Variants in SPIRE2 observed in about 807,000 individuals in gnomAD.
SPIRE2 encodes spire type actin nucleation factor 2.
SPIRE2 carries 76 observed loss-of-function variants against 80.7 expected under a neutral mutation model. The ratio of observed to expected loss-of-function variants is 0.94; its 90% CI spans 0.78 to 1.14. The LOEUF is 1.14. Among genes scored for constraint, SPIRE2 ranks in the 50% most tolerant of loss-of-function variants. SPIRE2 has a pLI of 0.00. For synonymous variants in SPIRE2, 535 were observed against 432.6 expected, an observed-to-expected ratio of 1.24 and a Z score of -2.94; for missense variants, 1,196 against 1,015.3, an observed-to-expected ratio of 1.18 and a Z score of -2.42.
At chr16:89,835,345 A>C (rs1411315825) in intron 1 of SPIRE2, among the ~76,000 whole-genome samples, 1 of 152,170 alleles carries the variant, frequency 6.6e-6, no homozygotes, top group East Asian at 1.9e-4. Context: ...GCTACTGTTG[A>C]GATTCGGTTA....
Position 89,859,323 on chromosome 16 carries a change from G to A in SPIRE2, c.1431G>A (p.Ala477=), listed in dbSNP as rs774878649. 20 of 1,586,338 alleles carry A rather than the reference G, an allele frequency of 1.3e-5. No individual in the cohort carries two copies. The highest frequency in any genetic ancestry group is 4.6e-5 in the East Asian group (2 of 43,742). ...CACCACGGCCCCGAGCTGGCAGTGCGCATGTGTGGAGGCCCGGCTCCCGAG... is the reference window on the plus strand; with the variant it reads ...CACCACGGCCCCGAGCTGGCAGTGCACATGTGTGGAGGCCCGGCTCCCGAG... ...TEPPRPRAGS[A]HVWRPGSRDQ... Residue 477 remains alanine (A), a synonymous_variant, in exon 9 of 15, where the codon GCG becomes GCA. Coordinates refer to ENST00000378247, the MANE Select transcript of SPIRE2 (RefSeq NM_032451.2).
intron 1 of SPIRE2, among the ~76,000 whole-genome samples, chr16:89,833,493 A>AC (rs1385352729): frequency 1.3e-5 from 2 of 152,228 alleles, no homozygotes; most frequent in Non-Finnish European, 2.9e-5. Flanking sequence ...GAAAGCAGCC[A>AC]CCCAGGTGGT....
Position 89,847,402 on chromosome 16 carries a change from G to A in SPIRE2, c.288+2037G>A, listed in dbSNP as rs3743856. ...CTGAAGTCCAGGACTCCAGGGCTGG[G>A]AGGCCGGCTGGCCCTGCTGTCCCGA... is the stretch of plus-strand genomic sequence containing the variant. On this transcript the variant is annotated intron_variant, in intron 2 of 14. Coordinates refer to ENST00000378247, the MANE Select transcript of SPIRE2 (RefSeq NM_032451.2). 2.0e-5 allele frequency among the ~76,000 whole-genome samples: 3 copies of A among 152,330 alleles called. No individual in the cohort carries two copies. In the East Asian group the frequency reaches 5.8e-4, roughly 29 times the overall value.
chr16:89,856,068 C>A, intron 6 of SPIRE2, 45 bp from the exon 7 acceptor site: 1 of 1,589,724 alleles, frequency 6.3e-7, no homozygotes, highest in South Asian at 1.1e-5. Context: ...GCTTCCCCAC[C>A]GCAGGTCCTG....
intron 1 of SPIRE2, among the ~76,000 whole-genome samples, chr16:89,840,745 C>G (rs1598219796): frequency 1.3e-5 from 2 of 150,588 alleles, no homozygotes; most frequent in East Asian, 4.0e-4. Flanking sequence ...ACGCCATTCT[C>G]CTGCCTCAGC....
intron 3 of SPIRE2, among the ~76,000 whole-genome samples, chr16:89,852,573 C>G (rs1449663759): frequency 3.1e-5 from 1 of 32,524 alleles, no homozygotes; most frequent in East Asian, 9.9e-4. Flanking sequence ...TCCCCACCCC[C>G]TGGATCCCCT....
intron 1 of SPIRE2, among the ~76,000 whole-genome samples, chr16:89,829,623 C>A (rs1196428253): frequency 6.6e-6 from 1 of 152,182 alleles, no homozygotes; most frequent in Non-Finnish European, 1.5e-5. Context: ...CAAGGCCAGA[C>A]AGAAGCAAGC....
intron 12 of SPIRE2, among the ~76,000 whole-genome samples, chr16:89,865,760 A>G (rs1031439098): frequency 2.0e-5 from 3 of 151,598 alleles, no homozygotes; most frequent in Non-Finnish European, 4.4e-5. Flanking sequence ...CGAGGTCGGG[A>G]GATCGAGACC....
Position 89,870,493 on chromosome 16 carries a change from C to A in SPIRE2, c.*221C>A, listed in dbSNP as rs2041830731. 1.6e-5 allele frequency: 8 copies of A among 499,418 alleles called. No homozygotes were observed. Among genetic ancestry groups the A allele is most frequent in the South Asian group, 1.3e-4 (5 of 37,720 alleles). The allele number at this position is 499,418 out of a possible 1,614,324, so 30.9% of individuals were successfully genotyped here. A position where few individuals can be genotyped will look rare whatever the true frequency, so the allele number is the denominator to read the frequency against. On this transcript the variant is annotated 3_prime_UTR_variant, in exon 15 of 15. Coordinates refer to ENST00000378247, the MANE Select transcript of SPIRE2 (RefSeq NM_032451.2). ...GGGAGGCTGTTTCTTCTCAGGATTC[C>A]TTGCCAGGGAGGAAGGGGAGGGAAC...
chr16:89,835,694 G>A (rs899498648), intron 1 of SPIRE2, among the ~76,000 whole-genome samples: 1 of 152,200 alleles, frequency 6.6e-6, no homozygotes. Context: ...CATTTAGGAG[G>A]AAGGCGGGCT....
chr16:89,854,680 C>A (rs1468059127), intron 5 of SPIRE2, 29 bp downstream of exon 5: 1 of 1,600,842 alleles, frequency 6.2e-7, no homozygotes, highest in South Asian at 1.1e-5. Flanking sequence ...GAGGGGCAGC[C>A]TGGATGCAGA....
At chr16:89,857,258 T>G (rs1348390749) in intron 7 of SPIRE2, among the ~76,000 whole-genome samples, 1 of 149,936 alleles carries the variant, frequency 6.7e-6, no homozygotes, top group Non-Finnish European at 1.5e-5. Flanking sequence ...CACCTCAGCC[T>G]CTCGAGTAGT....
intron 13 of SPIRE2, 73 bp from the exon 14 acceptor site, chr16:89,869,493 AG>A: frequency 2.0e-6 from 2 of 991,300 alleles, no homozygotes; most frequent in Non-Finnish European, 3.2e-6. Context: ...CTGGGGAGGG[AG>A]GTCCCCTAGC....
At chr16:89,860,412 C>G (rs1179965669) in intron 9 of SPIRE2, among the ~76,000 whole-genome samples, 1 of 152,134 alleles carries the variant, frequency 6.6e-6, no homozygotes, top group African/African-American at 2.4e-5. Flanking sequence ...ACATGTTTCA[C>G]GATGCCTGCC....
chr16:89,841,435 C>G (rs1474405848), intron 1 of SPIRE2, among the ~76,000 whole-genome samples: 2 of 152,016 alleles, frequency 1.3e-5, no homozygotes, highest in African/African-American at 2.4e-5. Context: ...CCCCATGTGG[C>G]CACGTTGGTG....
intron 2 of SPIRE2, 56 bp from the exon 3 acceptor site, chr16:89,850,248 T>G (rs758354025): frequency 4.0e-6 from 6 of 1,516,378 alleles, no homozygotes; most frequent in Middle Eastern, 1.7e-4. Context: ...CCAGCCGCGT[T>G]CTCCCCGCCC....
chr16:89,828,698 G>C lies in SPIRE2; in HGVS notation c.148G>C (p.Gly50Arg), dbSNP rs781673634. 1 of 1,286,910 alleles carries C rather than the reference G, an allele frequency of 7.8e-7. No individual in the cohort carries two copies. 79.7% of individuals were successfully genotyped at this position (1,286,910 alleles called of 1,614,324 possible). A position where few individuals can be genotyped will look rare whatever the true frequency, so the allele number is the denominator to read the frequency against. The change falls in exon 1 of 15, where the codon GGG becomes CGG. Residue 50 changes from glycine to arginine, a missense_variant. Physicochemically the swap from Gly to Arg is moderately radical, Grantham distance 125 (BLOSUM62 -2). Transcript: ENST00000378247. This position sits in a 1 kb window ranked among gnomAD's most constrained non-coding sequence, Gnocchi z 5.9. ...AWAVCFQGCR[G>R]LRGSPGRRLR... ...GGCCGTGTGCTTCCAGGGCTGCCGC[G>C]GGCTGCGGGGCTCGCCGGGCCGGCG...
In SPIRE2 at chr16:89,832,059, C is replaced by T. The variant is rs9928866; in HGVS notation, c.244+3265C>T. On this transcript the variant is annotated intron_variant, in intron 1 of 14. Transcript: ENST00000378247. Reference sequence around the variant, plus strand: ...TCCCGCGCCGTGCTGATGAGCAGGCCCCAGCTTCTTGCTCCCATTCCTCCT... The same window carrying T: ...TCCCGCGCCGTGCTGATGAGCAGGCTCCAGCTTCTTGCTCCCATTCCTCCT... Among the ~76,000 whole-genome samples, 69 of 152,392 alleles carry T rather than the reference C, an allele frequency of 4.5e-4. 1 individual carries two copies. The highest frequency in any genetic ancestry group is 1.6e-3 in the African/African-American group (66 of 41,604).
chr16:89,841,424 A>T (rs1398548210), intron 1 of SPIRE2, among the ~76,000 whole-genome samples: 1 of 151,968 alleles, frequency 6.6e-6, no homozygotes, highest in Non-Finnish European at 1.5e-5. Flanking sequence ...GGTTTGCATA[A>T]CCCCATGTGG....
Sources: allele counts gnomAD v4.1 joint callset (sites outside exome capture counted in the v4.1 genomes callset), GRCh38; gene constraint gnomAD v4.1.1; non-coding constraint Gnocchi (gnomAD v3.1); transcripts MANE v1.5; gene names NCBI Gene and HGNC (gene_info 2026-07-23, HGNC 2026-07-21).